The following RBBP8 variants were observed in gnomAD, a reference collection of about 807,000 sequenced individuals.
RBBP8 encodes RB binding protein 8, endonuclease, also known as DNA endonuclease RBBP8.
Under a neutral mutation model 108.3 loss-of-function variants are expected in RBBP8, and 88 were observed. That is an observed-to-expected ratio of 0.81 (90% CI 0.68 to 0.97). RBBP8 has a LOEUF of 0.97. RBBP8 is among the 50% of genes least tolerant of loss of function. The probability of loss-of-function intolerance (pLI) is 0.00; values close to 1 mark genes in which losing one functional copy is unlikely to be tolerated. For missense variants in RBBP8, 1,023 were observed against 1,049.0 expected, an observed-to-expected ratio of 0.98 and a Z score of 0.34; for synonymous variants, 332 against 348.2, an observed-to-expected ratio of 0.95 and a Z score of 0.52.
chr18:22,957,840 T>G (rs1288554293), intron 4 of RBBP8, among the ~76,000 whole-genome samples: 2 of 152,194 alleles, frequency 1.3e-5, no homozygotes, highest in Non-Finnish European at 2.9e-5. Context: ...CTGAAAGTAA[T>G]AAGCTAGGGA....
At chr18:22,949,522 T>C in intron 3 of RBBP8, 96 bp from the exon 4 acceptor site, 1 of 904,152 alleles carries the variant, frequency 1.1e-6, no homozygotes, top group Non-Finnish European at 1.8e-6. Context: ...TTTGTTTTGG[T>C]ACAAGAAATT....
intron 12 of RBBP8, 78 bp from the exon 13 acceptor site, chr18:22,996,296 T>C: frequency 6.3e-7 from 1 of 1,576,298 alleles, no homozygotes; most frequent in Non-Finnish European, 8.6e-7. Context: ...TTCTATTCTT[T>C]AGGTCCCATA....
intron 18 of RBBP8, among the ~76,000 whole-genome samples, chr18:23,024,328 A>C (rs796137236): frequency 6.6e-6 from 1 of 152,224 alleles, no homozygotes; most frequent in Non-Finnish European, 1.5e-5. Flanking sequence ...TCTTTTAATA[A>C]GACAACATAC....
At chr18:22,971,770 C>T (rs1419906875) in intron 5 of RBBP8, among the ~76,000 whole-genome samples, 2 of 151,206 alleles carry the variant, frequency 1.3e-5, no homozygotes, top group Admixed American at 1.3e-4. Context: ...CTCAACCTCC[C>T]AAGTAGCTGG....
chr18:23,023,962 C>G (rs1295714821), intron 18 of RBBP8, among the ~76,000 whole-genome samples: 2 of 148,098 alleles, frequency 1.4e-5, no homozygotes, highest in South Asian at 2.2e-4. Flanking sequence ...CAACCTCCAC[C>G]TCCCAGGTTC....
chr18:22,990,845 C>T, intron 9 of RBBP8, 92 bp from the exon 10 acceptor site: 2 of 910,030 alleles, frequency 2.2e-6, no homozygotes, highest in Admixed American at 2.0e-5. Flanking sequence ...TTTTGAGGTT[C>T]ATCTACATCA....
At chr18:22,920,492 A>G (rs4800439) in intron 3 of RBBP8, among the ~76,000 whole-genome samples, 102,793 of 151,766 alleles carry the variant, frequency 0.68, 35,697 homozygotes, top group Middle Eastern at 0.84. Flanking sequence ...TAACTTGAAT[A>G]ACAAATTTTT....
chr18:23,024,785 T>C (rs530796689), intron 18 of RBBP8: 46 of 152,382 alleles, frequency 3.0e-4, no homozygotes, highest in African/African-American at 1.1e-3. Context: ...AGAATATTTA[T>C]GATTTGACTT....
At chr18:22,964,829 T>G (rs1427184813) in intron 4 of RBBP8, among the ~76,000 whole-genome samples, 2 of 152,032 alleles carry the variant, frequency 1.3e-5, no homozygotes, top group Non-Finnish European at 2.9e-5. Context: ...TTTTTTGTTC[T>G]CAGAATATTT....
In RBBP8 at chr18:22,984,934, A is replaced by T; in HGVS notation, c.653A>T (p.Asn218Ile). Reference sequence around the variant, plus strand: ...TCAACTCATCCACAACATAATCCTAATGAAAATGAAATTCTAGTAGCTGAC... The same window carrying T: ...TCAACTCATCCACAACATAATCCTATTGAAAATGAAATTCTAGTAGCTGAC... ...KSSTHPQHNP[N>I]ENEILVADTY... Residue 218 changes from asparagine (N) to isoleucine (I), a missense_variant, in exon 8 of 19, where the codon AAT becomes ATT. Asn to Ile is a moderately radical substitution (Grantham distance 149, BLOSUM62 -3). Coordinates refer to ENST00000327155, the MANE Select transcript of RBBP8 (RefSeq NM_002894.3). The T allele has an allele frequency of 6.2e-7, 1 of 1,611,750 alleles. No homozygotes were observed. The highest frequency in any genetic ancestry group is 8.5e-7 in the Non-Finnish European group (1 of 1,178,366).
intron 3 of RBBP8, chr18:22,920,876 A>T (rs1909569989): frequency 1.3e-5 from 2 of 152,190 alleles, no homozygotes; most frequent in South Asian, 4.1e-4. Context: ...TTCTGCCTAT[A>T]ACAGAGAATG....
intron 3 of RBBP8, among the ~76,000 whole-genome samples, chr18:22,925,633 C>T (rs1224385476): frequency 2.0e-5 from 3 of 152,120 alleles, no homozygotes; most frequent in Admixed American, 6.5e-5. Flanking sequence ...GTTTAAGATG[C>T]GATGATTTTT....
intron 1 of RBBP8, among the ~76,000 whole-genome samples, chr18:22,934,501 C>A (rs1436301851): frequency 4.0e-5 from 6 of 151,506 alleles, no homozygotes; most frequent in African/African-American, 1.5e-4. Context: ...CTTTTTGCTG[C>A]AGAGAGGTAT....
intron 2 of RBBP8, among the ~76,000 whole-genome samples, chr18:22,939,526 CA>C (rs879606994): frequency 3.2e-4 from 45 of 142,286 alleles, no homozygotes; most frequent in Admixed American, 4.9e-4. Context: ...AACTCCGTCT[CA>C]AAAAAAAAAA....
rs987748609 is a variant in RBBP8, at chr18:23,001,506, G to T, written c.2144-80G>T. The T allele has an allele frequency of 1.2e-5, 18 of 1,487,082 alleles. No individual in the cohort carries two copies. The Admixed American group carries it at 2.5e-4, about 21-fold the overall frequency. 92.1% of individuals were successfully genotyped at this position (1,487,082 alleles called of 1,614,324 possible). On this transcript the variant is annotated intron_variant, in intron 14 of 18. Transcript: ENST00000327155. ...AAGGACTGCATTCTGTTATTGTGTGGTAGTTACTACAGTTTCATGATGGTC... is the reference window on the plus strand; with the variant it reads ...AAGGACTGCATTCTGTTATTGTGTGTTAGTTACTACAGTTTCATGATGGTC...
At chr18:22,929,966 T>G (rs1411658677), upstream of RBBP8, among the ~76,000 whole-genome samples, 1 of 152,220 alleles carries the variant, frequency 6.6e-6, no homozygotes, top group Admixed American at 6.5e-5. Flanking sequence ...GATATCAGTC[T>G]AACGTGATAC....
intron 3 of RBBP8, among the ~76,000 whole-genome samples, chr18:22,918,412 T>G (rs1909450417): frequency 6.6e-6 from 1 of 152,226 alleles, no homozygotes; most frequent in Non-Finnish European, 1.5e-5. Context: ...TACAGTATGC[T>G]ACTGTACTGA....
chr18:22,989,572 T>C (rs1412139324), intron 9 of RBBP8, among the ~76,000 whole-genome samples: 1 of 152,098 alleles, frequency 6.6e-6, no homozygotes, highest in Non-Finnish European at 1.5e-5. Flanking sequence ...TTTTGTCAAC[T>C]TTCTTCCCTT....
chr18:22,924,406 C>T lies in RBBP8; in HGVS notation c.-153-4977C>T, dbSNP rs1389939816. Among the ~76,000 whole-genome samples the T allele has an allele frequency of 3.3e-5, 5 of 152,298 alleles. No homozygotes were observed. In the East Asian group the frequency reaches 9.6e-4, roughly 29 times the overall value. On this transcript the variant is annotated intron_variant, in intron 3 of 4. Transcript: ENST00000577588. ...CCTCCCAAAGTGCTGGGATTACAGG[C>T]ATGGGCCACTGCCCCCAGCCAAAGC...
Sources: allele counts gnomAD v4.1 joint callset (sites outside exome capture counted in the v4.1 genomes callset), GRCh38; gene constraint gnomAD v4.1.1; transcripts MANE v1.5; gene names NCBI Gene and HGNC (gene_info 2026-07-23, HGNC 2026-07-21).